KIF23: variants seen among roughly 807,000 people sequenced by gnomAD.
KIF23 encodes the protein kinesin family member 23, also known as kinesin-like protein KIF23.
In KIF23, 30 loss-of-function variants were observed where a neutral mutation model predicts 137.5. The ratio of observed to expected loss-of-function variants is 0.22; its 90% confidence interval spans 0.16 to 0.30. The LOEUF (loss-of-function observed/expected upper bound fraction) is 0.30, where lower values mean the gene tolerates loss of function less well. Among genes scored for constraint, KIF23 ranks in the 10% least tolerant of loss-of-function variants. The pLI, the probability that KIF23 is intolerant of heterozygous loss-of-function variation, is 1.00. For synonymous variants in KIF23, 367 were observed against 391.1 expected (o/e 0.94, Z 0.73); for missense variants, 920 against 1,194.3 (o/e 0.77, Z 3.38).
chr15:69,431,643 A>G (rs1045803058), intron 11 of KIF23, among the ~76,000 whole-genome samples: 3 of 151,998 alleles, frequency 2.0e-5, no homozygotes, highest in African/African-American at 4.8e-5. Flanking sequence ...GATTGAAGCA[A>G]TTGGGTGAGA....
intron 3 of KIF23, among the ~76,000 whole-genome samples, chr15:69,421,118 TGTG>T (rs1344657240): frequency 6.6e-6 from 1 of 152,112 alleles, no homozygotes; most frequent in Non-Finnish European, 1.5e-5. Context: ...TTTGGCCAGG[TGTG>T]GTGGCTCACG....
intron 11 of KIF23, among the ~76,000 whole-genome samples, chr15:69,433,125 AG>A (rs1395913712): frequency 6.6e-6 from 1 of 152,214 alleles, no homozygotes; most frequent in Non-Finnish European, 1.5e-5. Context: ...TAATAACATG[AG>A]TTCCTGAGAG....
chr15:69,423,058 C>T, intron 6 of KIF23, 101 bp from the exon 7 acceptor site: 1 of 790,730 alleles, frequency 1.3e-6, no homozygotes, highest in South Asian at 1.6e-5. Flanking sequence ...CTCGGCCTCC[C>T]AAAGTGCTGG....
chr15:69,427,463 A>G (rs1222266802), intron 10 of KIF23: 1 of 455,028 alleles, frequency 2.2e-6, no homozygotes, highest in African/African-American at 2.0e-5. Flanking sequence ...AAGTGATAAA[A>G]TAAGACTGTG....
intron 21 of KIF23, 72 bp downstream of exon 21, chr15:69,446,163 T>C: frequency 4.8e-6 from 7 of 1,447,304 alleles, no homozygotes; most frequent in Non-Finnish European, 6.8e-6. Flanking sequence ...AGGAACAGAA[T>C]AGCCTGTGAA....
Position 69,415,433 on chromosome 15 carries a change from A to T in KIF23, c.12-561A>T, listed in dbSNP as rs567810789. On this transcript the variant is annotated intron_variant, in intron 1 of 23. Transcript: ENST00000679126. ...ATAAATGTGAAGGGAAAAAGATGAG[A>T]TGCTAGAGAAATGGTGAAATCAATC... 2.3e-4 allele frequency among the ~76,000 whole-genome samples: 35 copies of T among 152,358 alleles called. 1 individual carries two copies. Among genetic ancestry groups the T allele is most frequent in the African/African-American group, 7.2e-4 (30 of 41,580 alleles).
chr15:69,429,014 G>C, intron 10 of KIF23, 97 bp from the exon 11 acceptor site: 1 of 797,206 alleles, frequency 1.3e-6, no homozygotes, highest in Non-Finnish European at 2.0e-6. Context: ...CTGTGCAAAT[G>C]TTCATTAAGA....
At chr15:69,443,120 G>C (rs1231442560) in intron 19 of KIF23, among the ~76,000 whole-genome samples, 1 of 152,110 alleles carries the variant, frequency 6.6e-6, no homozygotes, top group African/African-American at 2.4e-5. Context: ...TGTTTGTCTT[G>C]AGGCTCAGCA....
chr15:69,430,202 T>G (rs2057322611), intron 11 of KIF23, among the ~76,000 whole-genome samples: 1 of 152,190 alleles, frequency 6.6e-6, no homozygotes, highest in Non-Finnish European at 1.5e-5. Flanking sequence ...TTTTTAAAAT[T>G]CATGCATGTT....
At chr15:69,426,675 G>A (rs1438667936) in intron 10 of KIF23, 4 of 521,848 alleles carry the variant, frequency 7.7e-6, no homozygotes, top group Non-Finnish European at 1.4e-5. Flanking sequence ...AACTGAGATC[G>A]CGCCACTGTA....
intron 3 of KIF23, among the ~76,000 whole-genome samples, chr15:69,420,047 T>C (rs2057015208): frequency 6.6e-6 from 1 of 152,088 alleles, no homozygotes; most frequent in Non-Finnish European, 1.5e-5. Flanking sequence ...GAGGGATTAC[T>C]TGAGATCAGG....
Position 69,441,128 on chromosome 15 carries a change from C to T in KIF23, c.2421+49C>T. The T allele has an allele frequency of 4.1e-6, 6 of 1,476,262 alleles. No individual in the cohort carries two copies. In the South Asian group the frequency reaches 8.1e-5, roughly 20 times the overall value. The allele number at this position is 1,476,262 out of a possible 1,614,324, so 91.4% of individuals were successfully genotyped here. Reference sequence around the variant, plus strand: ...GCATTGTAGCAATAGATTTTATCTTCTTTGTTTTTTGTAACTTGTGTCTGA... The same window carrying T: ...GCATTGTAGCAATAGATTTTATCTTTTTTGTTTTTTGTAACTTGTGTCTGA... On this transcript the variant is annotated intron_variant, in intron 19 of 23. Coordinates refer to ENST00000679126, the MANE Select transcript of KIF23 (RefSeq NM_001367805.3).
rs113645448 is a variant in KIF23 at position 69,428,691 on chromosome 15, G to C, written c.1012-420G>C. Reference sequence around the variant, plus strand: ...AAAAAAAAAAAAAAAAAAAACAAAAGAATTATTTATAGCATTATGAAATTA... The same window carrying C: ...AAAAAAAAAAAAAAAAAAAACAAAACAATTATTTATAGCATTATGAAATTA... On this transcript the variant is annotated intron_variant, in intron 10 of 23. Coordinates refer to ENST00000679126, the MANE Select transcript of KIF23 (RefSeq NM_001367805.3). Among the ~76,000 whole-genome samples, 266 of 117,768 alleles carry C rather than the reference G, an allele frequency of 2.3e-3. 1 individual carries two copies. The highest frequency in any genetic ancestry group is 8.3e-3 in the African/African-American group (250 of 30,094). 77.3% of individuals were successfully genotyped at this position (117,768 alleles called of 152,430 possible).
chr15:69,435,460 G>A (rs779455104), intron 11 of KIF23, 23 bp from the exon 12 acceptor site: 38 of 1,581,948 alleles, frequency 2.4e-5, no homozygotes, highest in South Asian at 1.2e-4. Flanking sequence ...CTGAAATGGC[G>A]TCTATGTATT....
In KIF23 at chr15:69,446,868, CAG is replaced by C; in HGVS notation, c.2839-2_2839-1del. On this transcript the variant is annotated splice_acceptor_variant, in intron 22 of 23. Coordinates refer to ENST00000679126, the MANE Select transcript of KIF23 (RefSeq NM_001367805.3). LOFTEE classifies it high-confidence loss of function. ...CTTTTTCCTCTTGTCATTTTCCTCT[CAG>C]TGTTCTGTGGCTGTGGAGATGAGAG... 6.2e-7 allele frequency: 1 copy of C among 1,613,948 alleles called. No individual in the cohort carries two copies. Among genetic ancestry groups the C allele is most frequent in the Non-Finnish European group, 8.5e-7 (1 of 1,179,828 alleles).
At chr15:69,433,836 C>T (rs2057410553) in intron 11 of KIF23, among the ~76,000 whole-genome samples, 1 of 152,106 alleles carries the variant, frequency 6.6e-6, no homozygotes, top group Non-Finnish European at 1.5e-5. Flanking sequence ...ATCGATGGGT[C>T]AGGGTAGACA....
At chr15:69,440,569 A>T in intron 18 of KIF23, 82 bp downstream of exon 18, 1 of 1,316,404 alleles carries the variant, frequency 7.6e-7, no homozygotes. Flanking sequence ...GAGGATTTTT[A>T]CATTTTATAA....
chr15:69,440,557 A>T, intron 18 of KIF23, 70 bp downstream of exon 18: 3 of 1,383,782 alleles, frequency 2.2e-6, no homozygotes, highest in Non-Finnish European at 2.9e-6. Context: ...GACTATTTCT[A>T]TGAGGATTTT....
At chr15:69,420,397 A>G (rs2057024565) in intron 3 of KIF23, among the ~76,000 whole-genome samples, 1 of 152,174 alleles carries the variant, frequency 6.6e-6, no homozygotes, top group Non-Finnish European at 1.5e-5. Context: ...ATTCATGAGG[A>G]CTGTGAGGTC....
Sources: gnomAD v4.1 joint callset for allele counts (sites outside exome capture counted in the v4.1 genomes callset) on GRCh38, gnomAD v4.1.1 for gene constraint, MANE v1.5 for transcripts, NCBI Gene and HGNC (gene_info 2026-07-23, HGNC 2026-07-21) for gene names.